TET3: variants seen among roughly 807,000 people sequenced by gnomAD.
TET3 encodes the protein tet methylcytosine dioxygenase 3.
In TET3, 19 loss-of-function variants were observed where a neutral mutation model predicts 141.4. That is an observed-to-expected ratio of 0.13 (90% confidence interval 0.09 to 0.20). The LOEUF (loss-of-function observed/expected upper bound fraction) is 0.20. TET3 is among the 10% of genes least tolerant of loss of function. The probability of loss-of-function intolerance (pLI) is 1.00; values close to 1 mark genes in which losing one functional copy is unlikely to be tolerated. For missense variants in TET3, 1,874 were observed against 2,356.9 expected (o/e 0.80, Z 4.24); for synonymous variants, 1,043 against 980.9 (o/e 1.06, Z -1.18).
intron 4 of TET3, among the ~76,000 whole-genome samples, chr2:74,062,682 G>A (rs1558760378): frequency 6.6e-6 from 1 of 152,240 alleles, no homozygotes; most frequent in East Asian, 1.9e-4. Context: ...AAACGAGGAA[G>A]ACAAGGAAGC....
At chr2:74,004,790 A>T (rs1685065558) in intron 3 of TET3, among the ~76,000 whole-genome samples, 1 of 152,120 alleles carries the variant, frequency 6.6e-6, no homozygotes, top group African/African-American at 2.4e-5. Flanking sequence ...TCTGGAGCAG[A>T]ACCCCCAGGT....
intron 4 of TET3, among the ~76,000 whole-genome samples, chr2:74,061,901 A>T (rs1016713283): frequency 4.4e-5 from 6 of 136,846 alleles, no homozygotes; most frequent in African/African-American, 1.4e-4. Flanking sequence ...CCTAGATGGG[A>T]TGGCGGCCGG....
chr2:74,112,130 C>T (rs2104296453), downstream of TET3, among the ~76,000 whole-genome samples: 1 of 152,256 alleles, frequency 6.6e-6, no homozygotes, highest in East Asian at 1.9e-4. Context: ...TGTAATACTC[C>T]TCGATACTCC....
intron 2 of TET3, among the ~76,000 whole-genome samples, chr2:73,992,683 C>G (rs751553229): frequency 3.9e-5 from 6 of 152,060 alleles, no homozygotes; most frequent in Non-Finnish European, 5.9e-5. Context: ...TGGTGAATTA[C>G]AATTTTTATG....
intron 7 of TET3, among the ~76,000 whole-genome samples, chr2:74,088,728 C>T (rs1159053508): frequency 6.6e-6 from 1 of 152,116 alleles, no homozygotes; most frequent in East Asian, 1.9e-4. Flanking sequence ...AATTCATCCT[C>T]TTAGGTATAT....
intron 4 of TET3, among the ~76,000 whole-genome samples, chr2:74,051,788 A>G (rs929942989): frequency 2.6e-5 from 4 of 152,240 alleles, no homozygotes; most frequent in Non-Finnish European, 4.4e-5. Context: ...GGTCATACAA[A>G]CTAGTGAAAG....
intron 11 of TET3, 150 bp downstream of exon 11, chr2:74,099,762 CCT>C: frequency 4.8e-6 from 4 of 838,584 alleles, no homozygotes; most frequent in Non-Finnish European, 7.3e-6. Context: ...CCACAGCCAG[CCT>C]GATAGGAGGC....
rs1027653308 is a variant in TET3, at chr2:74,086,635, A to T, written c.2680-1195A>T. Among the ~76,000 whole-genome samples, 6 of 151,924 alleles carry T rather than the reference A, an allele frequency of 3.9e-5. No individual in the cohort carries two copies. In the East Asian group the frequency reaches 9.6e-4, roughly 24 times the overall value. On this transcript the variant is annotated intron_variant, in intron 6 of 11. Transcript: ENST00000409262. Reference sequence around the variant, plus strand: ...GAGACCCTGTCTCTTAAAAAATTTTAAAAAGTTAGCCAGGCATGGTGGCGT... The same window carrying T: ...GAGACCCTGTCTCTTAAAAAATTTTTAAAAGTTAGCCAGGCATGGTGGCGT...
At chr2:74,005,783 T>C (rs1685122741) in intron 3 of TET3, among the ~76,000 whole-genome samples, 1 of 152,226 alleles carries the variant, frequency 6.6e-6, no homozygotes, top group Admixed American at 6.5e-5. Context: ...GTGCCTAGCA[T>C]AGGCACAGAG....
chr2:74,036,050 T>C (rs1364630307), intron 3 of TET3, among the ~76,000 whole-genome samples: 1 of 152,218 alleles, frequency 6.6e-6, no homozygotes, highest in South Asian at 2.1e-4. Flanking sequence ...CGTCGGCACT[T>C]GGTATTAAAC....
At chr2:74,113,117 G>A (rs764155231), downstream of TET3, among the ~76,000 whole-genome samples, 27 of 150,830 alleles carry the variant, frequency 1.8e-4, no homozygotes, top group Non-Finnish European at 3.8e-4. Flanking sequence ...ATGGCCAGGC[G>A]CAGTGGCTCA....
At chr2:74,100,172 C>T (rs911963161) in intron 11 of TET3, among the ~76,000 whole-genome samples, 1 of 152,116 alleles carries the variant, frequency 6.6e-6, no homozygotes, top group African/African-American at 2.4e-5. Flanking sequence ...GGGATCGCCT[C>T]CTCCCACCCC....
At chr2:74,008,703 A>G (rs184009452) in intron 3 of TET3, among the ~76,000 whole-genome samples, 5 of 152,292 alleles carry the variant, frequency 3.3e-5, no homozygotes, top group East Asian at 3.9e-4. Context: ...TTAGACAAAA[A>G]GTAAAAATGA....
chr2:74,059,971 A>G (rs540295255), intron 4 of TET3, among the ~76,000 whole-genome samples: 2 of 152,176 alleles, frequency 1.3e-5, no homozygotes, highest in South Asian at 4.1e-4. Flanking sequence ...GTTATTATGA[A>G]TCATGCTGAT....
chr2:74,123,788 G>A, the TET3 span, among the ~76,000 whole-genome samples: 6 of 151,682 alleles, frequency 4.0e-5, no homozygotes, highest in East Asian at 7.8e-4. Context: ...GCCTCTTCCC[G>A]GCCGCCATCC....
Position 73,985,157 on chromosome 2 carries a change from G to GGTCGGTGCA in TET3, c.-425+9_-425+17dup, listed in dbSNP as rs1294311471. The GGTCGGTGCA allele has an allele frequency of 1.4e-5, 2 of 146,678 alleles. No homozygotes were observed. Among genetic ancestry groups the GGTCGGTGCA allele is most frequent in the Middle Eastern group, 3.2e-3 (1 of 308 alleles). 9.1% of individuals were successfully genotyped at this position (146,678 alleles called of 1,614,324 possible). A position where few individuals can be genotyped will look rare whatever the true frequency, so the allele number is the denominator to read the frequency against. On this transcript the variant is annotated splice_region_variant and 5_prime_UTR_variant. Coordinates refer to ENST00000409262, the MANE Select transcript of TET3 (RefSeq NM_001287491.2). ...CGCTCCGCCCCGGAGGCGGCGGGCAGGTCGGTGCAGTCGGTGCCTTTCCGG... is the reference window on the plus strand; with the variant it reads ...CGCTCCGCCCCGGAGGCGGCGGGCAGGTCGGTGCAGTCGGTGCAGTCGGTGCCTTTCCGG...
chr2:74,023,559 G>A (rs562329419), intron 3 of TET3, among the ~76,000 whole-genome samples: 10 of 152,302 alleles, frequency 6.6e-5, no homozygotes, highest in African/African-American at 2.2e-4. Context: ...TGATTTTCAG[G>A]AGCATTTTGG....
At position 74,005,075 on chromosome 2, in the gene TET3, C is replaced by G. The variant is rs540897871; in HGVS notation, c.360+1909C>G. Among the ~76,000 whole-genome samples, 226 of 152,308 alleles carry G rather than the reference C, an allele frequency of 1.5e-3. 1 individual carries two copies. The highest frequency in any genetic ancestry group is 2.1e-3 in the Non-Finnish European group (144 of 68,018). On this transcript the variant is annotated intron_variant, in intron 3 of 11. Transcript: ENST00000409262. ...GGTTTGTTTACTCCCGAAAGCACCC[C>G]CTTCCGCTGTAGTGATGGCTCTCCC...
the TET3 span, among the ~76,000 whole-genome samples, chr2:74,124,686 C>T: frequency 6.6e-6 from 1 of 151,786 alleles, no homozygotes; most frequent in African/African-American, 2.4e-5. Flanking sequence ...GGATTAAGGG[C>T]GGTGCAAGAT....
Sources: gnomAD v4.1 joint callset for allele counts (sites outside exome capture counted in the v4.1 genomes callset) on GRCh38, gnomAD v4.1.1 for gene constraint, MANE v1.5 for transcripts, NCBI Gene and HGNC (gene_info 2026-07-23, HGNC 2026-07-21) for gene names.